MARCHF1: variants seen among roughly 807,000 people sequenced by gnomAD.
MARCHF1 encodes the protein membrane associated ring-CH-type finger 1.
MARCHF1 carries 40 observed loss-of-function variants against 54.2 expected under a neutral mutation model. The ratio of observed to expected loss-of-function variants is 0.74; its 90% CI spans 0.57 to 0.96. The LOEUF (loss-of-function observed/expected upper bound fraction) is 0.96, where lower values mean the gene tolerates loss of function less well. Ranked by LOEUF, MARCHF1 falls within the 40% of genes least tolerant of loss-of-function variation. The pLI is 0.00. For synonymous variants in MARCHF1, 236 were observed against 236.3 expected (o/e 1.00, Z 0.01); for missense variants, 586 against 656.5 (o/e 0.89, Z 1.17).
intron 1 of MARCHF1, among the ~76,000 whole-genome samples, chr4:164,116,235 T>C (rs1326165176): frequency 6.6e-6 from 1 of 152,172 alleles, no homozygotes; most frequent in Admixed American, 6.6e-5. Flanking sequence ...ATATATAAAT[T>C]CTAGAATGCT....
intron 3 of MARCHF1, among the ~76,000 whole-genome samples, chr4:163,903,970 T>C (rs58492330): frequency 0.012 from 1,850 of 152,274 alleles, 40 homozygotes; most frequent in African/African-American, 0.042. Flanking sequence ...GCTATCTAAA[T>C]AGTGTTTTTA....
At chr4:163,641,851 A>G (rs983227822) in intron 5 of MARCHF1, among the ~76,000 whole-genome samples, 1 of 152,158 alleles carries the variant, frequency 6.6e-6, no homozygotes, top group Admixed American at 6.5e-5. Context: ...TTGGAGTTAA[A>G]TATTAGTCAG....
At chr4:164,316,581 GA>G (rs141305051) in intron 1 of MARCHF1, among the ~76,000 whole-genome samples, 2,135 of 152,308 alleles carry the variant, frequency 0.014, 46 homozygotes, top group African/African-American at 0.049. Context: ...CTTATCCACT[GA>G]AGCAGAAATG....
chr4:163,742,768 C>G (rs936062515), intron 4 of MARCHF1, among the ~76,000 whole-genome samples: 1 of 152,052 alleles, frequency 6.6e-6, no homozygotes. Flanking sequence ...ACGCCCAGTA[C>G]TGGAATACCA....
rs75798410 is a variant in MARCHF1 at position 164,371,192 on chromosome 4, T to C, written c.-323+12678A>G. Among the ~76,000 whole-genome samples the C allele has an allele frequency of 3.7e-3, 559 of 152,170 alleles. 5 individuals are homozygous for C. Among genetic ancestry groups the C allele is most frequent in the African/African-American group, 0.013 (531 of 41,532 alleles). ...AGTAGGAAAAACTAAACTCGAACAA[T>C]TGGCTGTACCTTTTGTGGTGGGGGG... is the stretch of plus-strand genomic sequence containing the variant. On this transcript the variant is annotated intron_variant, in intron 1 of 9. Transcript: ENST00000514618.
chr4:164,043,893 T>G (rs1579485974), intron 2 of MARCHF1, among the ~76,000 whole-genome samples: 1 of 152,312 alleles, frequency 6.6e-6, no homozygotes, highest in South Asian at 2.1e-4. Context: ...TCTCTTGAGT[T>G]CAAAGTTTCA....
intron 4 of MARCHF1, among the ~76,000 whole-genome samples, chr4:163,847,820 A>G (rs1048071578): frequency 6.6e-6 from 1 of 152,160 alleles, no homozygotes; most frequent in Admixed American, 6.5e-5. Flanking sequence ...GCGTCAAGCG[A>G]TCCTCCTGCC....
At chr4:164,382,317 G>GAA (rs200239605) in intron 1 of MARCHF1, among the ~76,000 whole-genome samples, 1 of 151,494 alleles carries the variant, frequency 6.6e-6, no homozygotes, top group African/African-American at 2.4e-5. Context: ...TATCTTTAAA[G>GAA]AAAAAAAATC....
intron 2 of MARCHF1, among the ~76,000 whole-genome samples, chr4:164,074,804 T>A (rs943323905): frequency 1.3e-5 from 2 of 151,758 alleles, no homozygotes; most frequent in African/African-American, 4.8e-5. Context: ...AAATTGAGGT[T>A]TTCTTCATTT....
At chr4:163,870,841 A>G (rs1380268533) in intron 3 of MARCHF1, among the ~76,000 whole-genome samples, 1 of 152,134 alleles carries the variant, frequency 6.6e-6, no homozygotes, top group African/African-American at 2.4e-5. Context: ...GGAAGTGTGG[A>G]GGGAAGAGCA....
chr4:163,624,527 G>A (rs1246729685), intron 5 of MARCHF1, among the ~76,000 whole-genome samples: 2 of 152,118 alleles, frequency 1.3e-5, no homozygotes, highest in East Asian at 3.9e-4. Context: ...ACTTGTAAAA[G>A]TTCTTGTCCC....
intron 1 of MARCHF1, among the ~76,000 whole-genome samples, chr4:164,121,556 C>T (rs1269424897): frequency 6.6e-6 from 1 of 152,032 alleles, no homozygotes; most frequent in Non-Finnish European, 1.5e-5. Flanking sequence ...ATGGGGGAAT[C>T]CACCCCCATG....
intron 4 of MARCHF1, among the ~76,000 whole-genome samples, chr4:163,790,678 ATAGCC>A (rs1411629354): frequency 1.3e-5 from 2 of 152,156 alleles, no homozygotes; most frequent in Non-Finnish European, 2.9e-5. Flanking sequence ...TCACACTTTA[ATAGCC>A]CAGATGAACT....
chr4:163,948,041 C>T (rs1172049439), intron 3 of MARCHF1, among the ~76,000 whole-genome samples: 3 of 152,172 alleles, frequency 2.0e-5, no homozygotes, highest in Non-Finnish European at 2.9e-5. Context: ...CTCTTGATTA[C>T]ATGATTTGCC....
intron 1 of MARCHF1, among the ~76,000 whole-genome samples, chr4:164,230,190 G>C (rs1388686783): frequency 6.6e-6 from 1 of 152,158 alleles, no homozygotes; most frequent in African/African-American, 2.4e-5. Context: ...GAGGTCAGGA[G>C]TTTGAGACCA....
At chr4:164,324,729 A>G (rs953301471) in intron 1 of MARCHF1, among the ~76,000 whole-genome samples, 10 of 151,444 alleles carry the variant, frequency 6.6e-5, no homozygotes, top group African/African-American at 2.4e-4. Flanking sequence ...AAGAGCAACA[A>G]AAATATAAAA....
intron 1 of MARCHF1, among the ~76,000 whole-genome samples, chr4:164,206,525 G>A (rs1167696580): frequency 1.4e-4 from 22 of 151,970 alleles, no homozygotes; most frequent in Non-Finnish European, 2.8e-4. Flanking sequence ...ATGGGCCAAA[G>A]TTGTTCCAAA....
rs57770641 is a variant in MARCHF1 at position 164,176,941 on chromosome 4, GCTCTCTCTCTCTCTCTCTCTCTCT to G, written c.-322-65303_-322-65280del. On this transcript the variant is annotated intron_variant, in intron 1 of 9. Coordinates refer to ENST00000514618, the MANE Select transcript of MARCHF1 (RefSeq NM_001394959.1). Reference sequence around the variant, plus strand: ...TGTTATTTATCTGAGTACCTTGTGCGCTCTCTCTCTCTCTCTCTCTCTCTCTCTCTCTCTCTCTCTATATATATA... The same window carrying G: ...TGTTATTTATCTGAGTACCTTGTGCGCTCTCTCTCTCTCTCTATATATATA... Among the ~76,000 whole-genome samples the G allele has an allele frequency of 1.1e-3, 63 of 58,188 alleles. 4 individuals are homozygous for G. The highest frequency in any genetic ancestry group is 2.6e-3 in the African/African-American group (59 of 22,634). 38.2% of individuals were successfully genotyped at this position (58,188 alleles called of 152,430 possible).
At chr4:163,806,152 C>T (rs532323868) in intron 4 of MARCHF1, among the ~76,000 whole-genome samples, 1 of 152,256 alleles carries the variant, frequency 6.6e-6, no homozygotes, top group Admixed American at 6.5e-5. Flanking sequence ...AATAAGAACT[C>T]AATTATTGGG....
Sources: allele counts gnomAD v4.1 joint callset (sites outside exome capture counted in the v4.1 genomes callset), GRCh38; gene constraint gnomAD v4.1.1; transcripts MANE v1.5; gene names NCBI Gene and HGNC (gene_info 2026-07-23, HGNC 2026-07-21).